The following STK11 variants were observed in gnomAD, a reference collection of about 807,000 sequenced individuals.
The protein encoded by STK11 is serine/threonine-protein kinase STK11.
Under a neutral mutation model 47.3 loss-of-function variants are expected in STK11, and 8 were observed. The ratio of observed to expected loss-of-function variants is 0.17; its 90% CI spans 0.10 to 0.31. STK11 has a LOEUF of 0.31. Ranked by LOEUF, STK11 falls within the 10% of genes least tolerant of loss-of-function variation. The probability of loss-of-function intolerance (pLI) is 1.00; values close to 1 mark genes in which losing one functional copy is unlikely to be tolerated. For missense variants in STK11, 475 were observed against 605.0 expected, an observed-to-expected ratio of 0.79 and a Z score of 2.25; for synonymous variants, 330 against 255.8, an observed-to-expected ratio of 1.29 and a Z score of -2.77.
chr19:1,223,188 G>C lies in STK11; in HGVS notation c.1108+16G>C. On this transcript the variant is annotated intron_variant, in intron 8 of 9. Coordinates refer to ENST00000326873, the MANE Select transcript of STK11 (RefSeq NM_000455.5). ...ACGGTGCCCGGTGAGTCTGGCGGGG[G>C]CCCCTGCCCGGCTCTGCTGACTCGG... 6.2e-7 allele frequency: 1 copy of C among 1,602,988 alleles called. No homozygotes were observed. The highest frequency in any genetic ancestry group is 8.5e-7 in the Non-Finnish European group (1 of 1,176,498).
At chr19:1,208,152 G>T (rs2080681580) in intron 1 of STK11, among the ~76,000 whole-genome samples, 3 of 152,082 alleles carry the variant, frequency 2.0e-5, no homozygotes, top group African/African-American at 7.2e-5. Context: ...GACTGGCAAG[G>T]ACACCCTGCG....
chr19:1,227,890 G>A lies in STK11; in HGVS notation c.*314G>A, dbSNP rs190680390. On this transcript the variant is annotated 3_prime_UTR_variant, in exon 10 of 10. Transcript: ENST00000326873. Reference sequence around the variant, plus strand: ...ACTTTATGTGGAGACTACTGGCCCCGCCCGTGGCCTCGTGCTCCGCAGGGC... The same window carrying A: ...ACTTTATGTGGAGACTACTGGCCCCACCCGTGGCCTCGTGCTCCGCAGGGC... 1.1e-5 allele frequency: 12 copies of A among 1,069,492 alleles called. No homozygotes were observed. Among genetic ancestry groups the A allele is most frequent in the East Asian group, 9.7e-5 (2 of 20,674 alleles). The allele number at this position is 1,069,492 out of a possible 1,614,324, so 66.3% of individuals were successfully genotyped here.
chr19:1,225,388 G>A, intron 8 of STK11: 1 of 838,956 alleles, frequency 1.2e-6, no homozygotes, highest in Non-Finnish European at 1.4e-6. Flanking sequence ...TTCTGCCTCA[G>A]CCTCCTGAGT....
Position 1,206,786 on chromosome 19 carries a change from G to T in STK11, c.-128G>T, listed in dbSNP as rs1340865672. The T allele has an allele frequency of 2.2e-5, 27 of 1,251,660 alleles. No individual in the cohort carries two copies. Among genetic ancestry groups the T allele is most frequent in the Middle Eastern group, 2.8e-4 (1 of 3,602 alleles). 77.5% of individuals were successfully genotyped at this position (1,251,660 alleles called of 1,614,324 possible). ...GAAGGGTTTTTCCCTTCCTTTTGGG[G>T]TTTTTGTTGCCTTTTTTTTTTCTTT... On this transcript the variant is annotated 5_prime_UTR_variant, in exon 1 of 10. Coordinates refer to ENST00000326873, the MANE Select transcript of STK11 (RefSeq NM_000455.5).
At chr19:1,216,834 C>CAAA (rs71335349) in intron 1 of STK11, among the ~76,000 whole-genome samples, 6 of 114,354 alleles carry the variant, frequency 5.2e-5, no homozygotes, top group Non-Finnish European at 5.4e-5. Context: ...AACCCTGTCT[C>CAAA]AAAAAAAAAA....
rs1392442506 is a variant in STK11 at position 1,227,832 on chromosome 19, G to C, written c.*256G>C. ...GCAGCCCCGGGCGGAGCCTTCCCGG[G>C]CGGGCGTGGGAGGAGGGAGGCGGCC... On this transcript the variant is annotated 3_prime_UTR_variant, in exon 10 of 10. Transcript: ENST00000326873. 1 of 1,071,300 alleles carries C rather than the reference G, an allele frequency of 9.3e-7. No homozygotes were observed. The highest frequency in any genetic ancestry group is 1.1e-6 in the Non-Finnish European group (1 of 883,120). 66.4% of individuals were successfully genotyped at this position (1,071,300 alleles called of 1,614,324 possible).
chr19:1,207,930 TCCTAC>T (rs1314722546), intron 1 of STK11, among the ~76,000 whole-genome samples: 7 of 152,156 alleles, frequency 4.6e-5, no homozygotes, highest in African/African-American at 1.7e-4. Flanking sequence ...GCGGAGAAGC[TCCTAC>T]CTAGGGCAGC....
In STK11 at chr19:1,207,177, C is replaced by T. The variant is rs56354945; in HGVS notation, c.264C>T (p.Ile88=). The change falls in exon 1 of 10, where the codon ATC becomes ATT. Residue 88 remains isoleucine (I), a synonymous_variant. Transcript: ENST00000326873. The stretch of plus-strand genomic sequence containing the variant: ...TCAAGAAGAAGAAGTTGCGAAGGAT[C>T]CCCAACGGGGAGGCCAACGTGAAGA... ...KILKKKKLRR[I]PNGEANVKKE... 5.0e-6 allele frequency: 8 copies of T among 1,609,296 alleles called. No individual in the cohort carries two copies. In the South Asian group the frequency reaches 6.6e-5, roughly 13 times the overall value.
At chr19:1,218,906 T>C (rs567648477) in intron 2 of STK11, among the ~76,000 whole-genome samples, 37 of 152,210 alleles carry the variant, frequency 2.4e-4, no homozygotes, top group Admixed American at 6.5e-4. Context: ...ACGGGGACTT[T>C]GCTTCCTAAG....
In STK11 at chr19:1,213,369, A is replaced by G. The variant is rs959161812; in HGVS notation, c.291-5048A>G. Among the ~76,000 whole-genome samples, 6 of 152,186 alleles carry G rather than the reference A, an allele frequency of 3.9e-5. No homozygotes were observed. In the East Asian group the frequency reaches 5.8e-4, roughly 15 times the overall value. On this transcript the variant is annotated intron_variant, in intron 1 of 9. Coordinates refer to ENST00000326873, the MANE Select transcript of STK11 (RefSeq NM_000455.5). ...ACAGAGTTGCACAACTATCACCTCTATCAGCTTCCAGAACATTCTTGTTAC... is the reference window on the plus strand; with the variant it reads ...ACAGAGTTGCACAACTATCACCTCTGTCAGCTTCCAGAACATTCTTGTTAC...
At chr19:1,207,264 TCTTC>T (rs1568690697) in intron 1 of STK11, 61 bp downstream of exon 1, 12 of 1,528,330 alleles carry the variant, frequency 7.9e-6, no homozygotes, top group South Asian at 3.7e-5. Flanking sequence ...GATGGTTCTG[TCTTC>T]CTTCCTTCTC....
intron 8 of STK11, chr19:1,225,939 T>C: frequency 1.0e-6 from 1 of 992,998 alleles, no homozygotes. Context: ...TAGCAGGGAC[T>C]GGGGGCAGCT....
intron 8 of STK11, chr19:1,226,253 C>G: frequency 2.1e-6 from 3 of 1,419,000 alleles, no homozygotes; most frequent in Non-Finnish European, 2.8e-6. Flanking sequence ...AGGCCATCTG[C>G]GGGAGGCTCA....
intron 1 of STK11, chr19:1,216,425 C>G (rs2080745135): frequency 6.2e-6 from 1 of 161,466 alleles, no homozygotes; most frequent in South Asian, 2.0e-4. Context: ...ACTAAAAATA[C>G]AAAAATTAGC....
chr19:1,224,914 TG>T, intron 8 of STK11: 4 of 985,698 alleles, frequency 4.1e-6, no homozygotes, highest in Non-Finnish European at 4.8e-6. Flanking sequence ...GCCCCGTCCC[TG>T]ACCTGCAGAG....
At position 1,226,654 on chromosome 19, in the gene STK11, C is replaced by T. The variant is rs1275016737; in HGVS notation, c.*7C>T. ...GGCCTGCAAGCAGCAGTGAGGCTGG[C>T]CGCCTGCAGGTGGGGCGCGGCGGGG... On this transcript the variant is annotated 3_prime_UTR_variant, in exon 9 of 10. Transcript: ENST00000326873. 4.0e-6 allele frequency: 6 copies of T among 1,514,328 alleles called. No individual in the cohort carries two copies. The highest frequency in any genetic ancestry group is 5.3e-6 in the Non-Finnish European group (6 of 1,133,048). 93.8% of individuals were successfully genotyped at this position (1,514,328 alleles called of 1,614,324 possible).
At position 1,228,224 on chromosome 19, in the gene STK11, TCACCTCTCCCCCAAGG is replaced by T. The variant is rs1568721584; in HGVS notation, c.*650_*665del. 195 of 801,624 alleles carry T rather than the reference TCACCTCTCCCCCAAGG, an allele frequency of 2.4e-4. 1 individual carries two copies. The East Asian group carries it at 9.0e-3, about 37-fold the overall frequency. 49.7% of individuals were successfully genotyped at this position (801,624 alleles called of 1,614,324 possible). A position where few individuals can be genotyped will look rare whatever the true frequency, so the allele number is the denominator to read the frequency against. ...GCGGCCCGGCCGGAGGGCAGGACCCTCACCTCTCCCCCAAGGCCACTGCGCTCTTGGGACCCCAGAG... is the reference window on the plus strand; with the variant it reads ...GCGGCCCGGCCGGAGGGCAGGACCCTCCACTGCGCTCTTGGGACCCCAGAG... On this transcript the variant is annotated 3_prime_UTR_variant, in exon 10 of 10. Transcript: ENST00000326873.
intron 1 of STK11, among the ~76,000 whole-genome samples, chr19:1,217,290 T>C (rs1477170334): frequency 6.6e-6 from 1 of 152,080 alleles, no homozygotes; most frequent in African/African-American, 2.4e-5. Flanking sequence ...CACAGGTAAC[T>C]ACAGGCTCAA....
intron 7 of STK11, among the ~76,000 whole-genome samples, chr19:1,222,219 G>A (rs1435161415): frequency 1.3e-5 from 2 of 152,228 alleles, no homozygotes; most frequent in East Asian, 3.9e-4. Context: ...CCGAACTGGG[G>A]TCTGAGTGAG....
Sources: allele counts gnomAD v4.1 joint callset (sites outside exome capture counted in the v4.1 genomes callset), GRCh38; gene constraint gnomAD v4.1.1; transcripts MANE v1.5; gene names NCBI Gene and HGNC (gene_info 2026-07-23, HGNC 2026-07-21).